The following ZPLD1 variants were observed in gnomAD, a reference collection of about 807,000 sequenced individuals.
ZPLD1 encodes the protein zona pellucida-like domain-containing protein 1.
Under a neutral mutation model 47.2 loss-of-function variants are expected in ZPLD1, and 34 were observed. The observed-to-expected ratio is 0.72, with a 90% confidence interval of 0.55 to 0.96. The LOEUF (loss-of-function observed/expected upper bound fraction) is 0.96. Among genes scored for constraint, ZPLD1 ranks in the 40% least tolerant of loss-of-function variants. The pLI is 0.00. For synonymous variants in ZPLD1, 176 were observed against 186.2 expected (o/e 0.95, Z 0.45); for missense variants, 512 against 505.8 (o/e 1.01, Z -0.12).
At chr3:102,401,511 C>T (rs1438421745) in intron 7 of ZPLD1, among the ~76,000 whole-genome samples, 2 of 152,078 alleles carry the variant, frequency 1.3e-5, no homozygotes. Flanking sequence ...GGTGCTTTGT[C>T]TTCACACGAT....
At chr3:102,417,064 A>G (rs16845027) in intron 7 of ZPLD1, among the ~76,000 whole-genome samples, 26,041 of 151,878 alleles carry the variant, frequency 0.17, 2,376 homozygotes, top group Middle Eastern at 0.23. Context: ...GTTCGCAGTA[A>G]CCATAGGCAA....
At chr3:102,421,394 A>G (rs1044537848) in intron 8 of ZPLD1, among the ~76,000 whole-genome samples, 1 of 151,862 alleles carries the variant, frequency 6.6e-6, no homozygotes, top group Non-Finnish European at 1.5e-5. Context: ...TCATGTAATA[A>G]GTTATAATAA....
At chr3:102,450,499 A>G (rs1429165190) in intron 3 of ZPLD1, among the ~76,000 whole-genome samples, 1 of 152,176 alleles carries the variant, frequency 6.6e-6, no homozygotes, top group Non-Finnish European at 1.5e-5. Context: ...TTAGGAAGCA[A>G]GATTCATAGA....
intron 3 of ZPLD1, among the ~76,000 whole-genome samples, chr3:102,449,681 T>C (rs1361842040): frequency 6.6e-6 from 1 of 152,220 alleles, no homozygotes; most frequent in Non-Finnish European, 1.5e-5. Flanking sequence ...TACTTAATAA[T>C]ATTTACTCAT....
intron 7 of ZPLD1, among the ~76,000 whole-genome samples, chr3:102,463,316 C>A (rs1366194561): frequency 1.3e-5 from 2 of 152,168 alleles, no homozygotes; most frequent in Non-Finnish European, 2.9e-5. Flanking sequence ...ACAATTTATG[C>A]TCTAAACTCC....
intron 8 of ZPLD1, among the ~76,000 whole-genome samples, chr3:102,425,851 C>A (rs1706939222): frequency 6.6e-6 from 1 of 150,606 alleles, no homozygotes; most frequent in Non-Finnish European, 1.5e-5. Context: ...CTTATTTTTA[C>A]TTCTATGCCT....
At position 102,437,392 on chromosome 3, in the gene ZPLD1, G is replaced by A. The variant is rs369289618; in HGVS notation, c.-9+419G>A. On this transcript the variant is annotated intron_variant, in intron 2 of 11. Transcript: ENST00000466937. ...TGAAATGATGATTCAAAAGCAAGAT[G>A]TGTTTCCTTCCTTTTCCTAAAGACT... Among the ~76,000 whole-genome samples, 17 of 152,312 alleles carry A rather than the reference G, an allele frequency of 1.1e-4. No homozygotes were observed. In the South Asian group the frequency reaches 3.3e-3, roughly 30 times the overall value.
intron 8 of ZPLD1, among the ~76,000 whole-genome samples, chr3:102,419,521 C>T (rs916864278): frequency 4.0e-5 from 6 of 151,794 alleles, no homozygotes; most frequent in South Asian, 2.1e-4. Context: ...TTCTCTCTCT[C>T]TTGTTTTTCA....
chr3:102,440,392 G>A (rs535811509), intron 3 of ZPLD1, among the ~76,000 whole-genome samples: 53 of 152,144 alleles, frequency 3.5e-4, no homozygotes, highest in Non-Finnish European at 6.8e-4. Flanking sequence ...GAATTGATTT[G>A]GTTTGGGAGG....
chr3:102,441,959 C>T (rs185258300), intron 3 of ZPLD1, among the ~76,000 whole-genome samples: 38 of 152,162 alleles, frequency 2.5e-4, no homozygotes, highest in African/African-American at 7.9e-4. Context: ...AATTAGGCTC[C>T]TACCCTAAGC....
chr3:102,467,418 A>G (rs185230622), intron 8 of ZPLD1, among the ~76,000 whole-genome samples: 36 of 152,280 alleles, frequency 2.4e-4, no homozygotes, highest in African/African-American at 8.4e-4. Context: ...GTTCTATCAG[A>G]TATCACAATC....
At chr3:102,435,504 G>A (rs1321390318) in intron 1 of ZPLD1, among the ~76,000 whole-genome samples, 1 of 152,178 alleles carries the variant, frequency 6.6e-6, no homozygotes, top group Non-Finnish European at 1.5e-5. Flanking sequence ...TGCATTGGAT[G>A]CCCTTGTGGA....
upstream of ZPLD1, among the ~76,000 whole-genome samples, chr3:102,430,080 G>A (rs1319477939): frequency 6.6e-6 from 1 of 152,144 alleles, no homozygotes; most frequent in African/African-American, 2.4e-5. Flanking sequence ...TTCCACTTAG[G>A]AGAAAAGGTG....
At chr3:102,466,275 G>T (rs961195770) in intron 8 of ZPLD1, among the ~76,000 whole-genome samples, 3 of 152,126 alleles carry the variant, frequency 2.0e-5, no homozygotes, top group Admixed American at 1.3e-4. Context: ...GAGCCCTTGA[G>T]TTGGGGAAAC....
intron 6 of ZPLD1, among the ~76,000 whole-genome samples, chr3:102,390,714 A>T (rs1229807027): frequency 6.6e-6 from 1 of 152,184 alleles, no homozygotes; most frequent in African/African-American, 2.4e-5. Flanking sequence ...TTTGAAATTG[A>T]TTGCTGAGAT....
Position 102,438,581 on chromosome 3 carries a change from A to G in ZPLD1, c.94A>G (p.Ser32Gly). 6.2e-7 allele frequency: 1 copy of G among 1,612,764 alleles called. No individual in the cohort carries two copies. The highest frequency in any genetic ancestry group is 1.1e-5 in the South Asian group (1 of 91,034). Residue 32 changes from serine to glycine, a missense_variant, in exon 3 of 12, where the codon AGT (serine) becomes GGT (glycine). Coordinates refer to ENST00000466937, the MANE Select transcript of ZPLD1 (RefSeq NM_001329788.2). ...NGYNCDANLH[S>G]RFPAERDISV... ...CTACAACTGTGATGCCAACCTCCACAGTAGATTTCCTGGTAAGTGTAAGCC... is the reference window on the plus strand; with the variant it reads ...CTACAACTGTGATGCCAACCTCCACGGTAGATTTCCTGGTAAGTGTAAGCC...
At chr3:102,394,906 A>T (rs576017984) in intron 7 of ZPLD1, among the ~76,000 whole-genome samples, 2 of 152,334 alleles carry the variant, frequency 1.3e-5, no homozygotes, top group East Asian at 3.9e-4. Context: ...TCAAAAGATT[A>T]TTCTTAATTA....
At chr3:102,458,160 A>T (rs1309764429) in intron 6 of ZPLD1, among the ~76,000 whole-genome samples, 5 of 152,182 alleles carry the variant, frequency 3.3e-5, no homozygotes, top group African/African-American at 1.2e-4. Flanking sequence ...GGGGTGTGTG[A>T]GTAGCTACAG....
intron 6 of ZPLD1, among the ~76,000 whole-genome samples, chr3:102,386,577 G>T (rs1236419125): frequency 6.6e-6 from 1 of 151,924 alleles, no homozygotes; most frequent in Admixed American, 6.6e-5. Context: ...GGTTGTTTGT[G>T]GCTTCCCAGA....
Sources: allele counts gnomAD v4.1 joint callset (sites outside exome capture counted in the v4.1 genomes callset), GRCh38; gene constraint gnomAD v4.1.1; transcripts MANE v1.5; gene names NCBI Gene and HGNC (gene_info 2026-07-23, HGNC 2026-07-21).